Variants in TOX observed in about 807,000 individuals in gnomAD.
TOX encodes thymocyte selection-associated high mobility group box protein TOX.
In TOX, 11 loss-of-function variants were observed where a neutral mutation model predicts 53.7. That is an observed-to-expected ratio of 0.20 (90% CI 0.13 to 0.34). The LOEUF (loss-of-function observed/expected upper bound fraction) is 0.34, where lower values mean the gene tolerates loss of function less well. Ranked by LOEUF, TOX falls within the 10% of genes least tolerant of loss-of-function variation. The pLI is 1.00. For synonymous variants in TOX, 225 were observed against 245.3 expected (o/e 0.92, Z 0.77); for missense variants, 570 against 664.6 (o/e 0.86, Z 1.56).
Position 58,906,138 on chromosome 8 carries a change from A to G in TOX, c.411+33164T>C, listed in dbSNP as rs1205119290. 5.3e-5 allele frequency among the ~76,000 whole-genome samples: 8 copies of G among 152,222 alleles called. No individual in the cohort carries two copies. In the East Asian group the frequency reaches 1.5e-3, roughly 29 times the overall value. On this transcript the variant is annotated intron_variant, in intron 3 of 8. Transcript: ENST00000361421. Reference sequence around the variant, plus strand: ...TGAAGTTGATGGGGATGACTATTATATAAACAGAGAAAAATGAATTTCCTG... The same window carrying G: ...TGAAGTTGATGGGGATGACTATTATGTAAACAGAGAAAAATGAATTTCCTG...
At position 58,966,873 on chromosome 8, in the gene TOX, C is replaced by CTTT. The variant is rs550882424; in HGVS notation, c.103-6868_103-6866dup. ...CACCAAACTTATGATTCAAGTTATT[C>CTTT]TTTTTTTTTTTTTTTTTTTTAGATG... is the stretch of plus-strand genomic sequence containing the variant. On this transcript the variant is annotated intron_variant, in intron 1 of 8. Coordinates refer to ENST00000361421, the MANE Select transcript of TOX (RefSeq NM_014729.3). Among the ~76,000 whole-genome samples, 651 of 123,668 alleles carry CTTT rather than the reference C, an allele frequency of 5.3e-3. 5 individuals carry two copies. The highest frequency in any genetic ancestry group is 0.019 in the African/African-American group (616 of 33,016). The allele number at this position is 123,668 out of a possible 152,430, so 81.1% of individuals were successfully genotyped here. A position where few individuals can be genotyped will look rare whatever the true frequency, so the allele number is the denominator to read the frequency against.
At chr8:58,863,627 T>C (rs1370221779) in intron 3 of TOX, among the ~76,000 whole-genome samples, 1 of 152,198 alleles carries the variant, frequency 6.6e-6, no homozygotes, top group Non-Finnish European at 1.5e-5. Flanking sequence ...TTTTAGCTGT[T>C]CTTTAAACAA....
At chr8:58,871,110 C>T (rs1811188776) in intron 3 of TOX, among the ~76,000 whole-genome samples, 1 of 148,258 alleles carries the variant, frequency 6.7e-6, no homozygotes, top group African/African-American at 2.5e-5. Context: ...AAATGAGCCA[C>T]CAAGCCATGA....
chr8:59,090,492 AC>A (rs1412662227), intron 1 of TOX, among the ~76,000 whole-genome samples: 1 of 152,162 alleles, frequency 6.6e-6, no homozygotes, highest in Non-Finnish European at 1.5e-5. Flanking sequence ...AGAGAATGCC[AC>A]CTGTTTATTG....
chr8:59,026,901 G>GAA (rs58806202), intron 1 of TOX, among the ~76,000 whole-genome samples: 1,793 of 136,106 alleles, frequency 0.013, 53 homozygotes, highest in African/African-American at 0.046. Flanking sequence ...AGAGAGAAAG[G>GAA]AAAAAAAAAA....
intron 1 of TOX, among the ~76,000 whole-genome samples, chr8:59,032,694 T>C (rs1814380222): frequency 6.6e-6 from 1 of 152,214 alleles, no homozygotes; most frequent in African/African-American, 2.4e-5. Flanking sequence ...GTCAATGTTA[T>C]CTCAATTTTA....
chr8:58,952,852 GTA>G (rs1184426791), intron 2 of TOX, among the ~76,000 whole-genome samples: 2 of 152,144 alleles, frequency 1.3e-5, no homozygotes, highest in Non-Finnish European at 2.9e-5. Flanking sequence ...GCTTGGAAAT[GTA>G]TATGATACAC....
In TOX at chr8:58,838,144, G is replaced by T. The variant is rs774452955; in HGVS notation, c.861C>A (p.Thr287=). 14 of 1,614,192 alleles carry T rather than the reference G, an allele frequency of 8.7e-6. No homozygotes were observed. The highest frequency in any genetic ancestry group is 1.1e-5 in the Non-Finnish European group (13 of 1,180,008). ...CCACAATTTTAGAGACTTCGCCAAA[G>T]GTAGCGTTTGGATTTTGGCCCTTGA... ...AAIKGQNPNA[T]FGEVSKIVAS... Residue 287 remains threonine, a synonymous_variant, in exon 5 of 9, where the codon ACC becomes ACA. Transcript: ENST00000361421.
intron 3 of TOX, among the ~76,000 whole-genome samples, chr8:58,883,723 A>G (rs1348642631): frequency 6.6e-6 from 1 of 151,814 alleles, no homozygotes; most frequent in Non-Finnish European, 1.5e-5. Context: ...GTTCATTCGT[A>G]TGTTTTTTTT....
At chr8:59,000,900 G>T (rs897287324) in intron 1 of TOX, among the ~76,000 whole-genome samples, 4 of 152,010 alleles carry the variant, frequency 2.6e-5, no homozygotes, top group Non-Finnish European at 5.9e-5. Context: ...TTAAATTTAA[G>T]CCAGGCAATT....
At chr8:59,107,970 C>A (rs762527602) in intron 1 of TOX, among the ~76,000 whole-genome samples, 6 of 152,134 alleles carry the variant, frequency 3.9e-5, no homozygotes, top group Admixed American at 1.3e-4. Flanking sequence ...CAAAACATTG[C>A]GTGTGCTTTG....
intron 1 of TOX, among the ~76,000 whole-genome samples, chr8:59,077,173 A>G (rs567190768): frequency 6.6e-6 from 1 of 152,342 alleles, no homozygotes; most frequent in Admixed American, 6.5e-5. Flanking sequence ...GTTCTACCAC[A>G]GGCACAGATA....
chr8:58,985,788 T>C (rs941348775), intron 1 of TOX, among the ~76,000 whole-genome samples: 2 of 152,242 alleles, frequency 1.3e-5, no homozygotes, highest in Non-Finnish European at 2.9e-5. Flanking sequence ...TTTCTTCTTG[T>C]ATTTCCATGA....
rs368118835 is a variant in TOX at position 58,933,811 on chromosome 8, AG to A, written c.411+5490del. Among the ~76,000 whole-genome samples, 28 of 152,280 alleles carry A rather than the reference AG, an allele frequency of 1.8e-4. No homozygotes were observed. In the South Asian group the frequency reaches 5.6e-3, roughly 30 times the overall value. On this transcript the variant is annotated intron_variant, in intron 3 of 8. Transcript: ENST00000361421. ...AAGGGAACTTTTATAAGAAATGCAA[AG>A]AAAAATAAAAGCAACACTGTTTCCT...
chr8:58,832,166 TATATGTA>T (rs1237272024), intron 5 of TOX, among the ~76,000 whole-genome samples: 7 of 116,226 alleles, frequency 6.0e-5, no homozygotes, highest in African/African-American at 1.8e-4. Flanking sequence ...ATATATGTAA[TATATGTA>T]ATATATATAT....
intron 1 of TOX, among the ~76,000 whole-genome samples, chr8:59,114,722 C>T (rs1805073220): frequency 1.3e-5 from 2 of 152,154 alleles, no homozygotes; most frequent in South Asian, 4.1e-4. Flanking sequence ...ACCTACTCTT[C>T]CTCCCATCTT....
chr8:58,999,335 A>C (rs939340863), intron 1 of TOX, among the ~76,000 whole-genome samples: 110 of 152,068 alleles, frequency 7.2e-4, no homozygotes, highest in Non-Finnish European at 1.3e-3. Flanking sequence ...AGGAAAAAAA[A>C]ACCAATAAAT....
At chr8:58,807,840 A>G in intron 8 of TOX, 57 bp from the exon 9 acceptor site, 1 of 1,594,858 alleles carries the variant, frequency 6.3e-7, no homozygotes, top group Non-Finnish European at 8.6e-7. Flanking sequence ...GCTACAGGTG[A>G]CAATGGGGGG....
intron 1 of TOX, among the ~76,000 whole-genome samples, chr8:59,084,892 C>T (rs989471250): frequency 3.3e-5 from 5 of 152,278 alleles, no homozygotes; most frequent in African/African-American, 1.2e-4. Context: ...CTACCCAAAT[C>T]CCAAACTAAA....
Sources: gnomAD v4.1 joint callset for allele counts (sites outside exome capture counted in the v4.1 genomes callset) on GRCh38, gnomAD v4.1.1 for gene constraint, MANE v1.5 for transcripts, NCBI Gene and HGNC (gene_info 2026-07-23, HGNC 2026-07-21) for gene names.